CSGALNACT1: variants seen among roughly 807,000 people sequenced by gnomAD.
CSGALNACT1 encodes chondroitin sulfate N-acetylgalactosaminyltransferase 1, also known as beta4GalNAcT-1.
In CSGALNACT1, 52 loss-of-function variants were observed where a neutral mutation model predicts 51.0. The ratio of observed to expected loss-of-function variants is 1.02; its 90% confidence interval spans 0.82 to 1.29. The LOEUF is 1.29. CSGALNACT1 is among the 50% of genes most tolerant of loss of function. The pLI, the probability that CSGALNACT1 is intolerant of heterozygous loss-of-function variation, is 0.00. For synonymous variants in CSGALNACT1, 341 were observed against 254.4 expected (o/e 1.34, Z -3.24); for missense variants, 935 against 679.2 (o/e 1.38, Z -4.19).
intron 5 of CSGALNACT1, chr8:19,457,780 G>A (rs763353571): frequency 7.4e-7 from 1 of 1,351,394 alleles, no homozygotes; most frequent in Admixed American, 1.9e-5. Flanking sequence ...ACAATCAAGG[G>A]CTTAAAGGCA....
At chr8:19,687,722 T>C (rs1384590654) in intron 1 of CSGALNACT1, among the ~76,000 whole-genome samples, 1 of 152,222 alleles carries the variant, frequency 6.6e-6, no homozygotes, top group East Asian at 1.9e-4. Context: ...CTTTGATCTT[T>C]ACTCCTTATA....
At chr8:19,661,244 C>T (rs2058721564) in intron 1 of CSGALNACT1, among the ~76,000 whole-genome samples, 1 of 152,116 alleles carries the variant, frequency 6.6e-6, no homozygotes, top group Non-Finnish European at 1.5e-5. Flanking sequence ...CCAGGAGCCA[C>T]AAGGCCTCTC....
At chr8:19,443,097 T>C (rs1489716261) in intron 5 of CSGALNACT1, among the ~76,000 whole-genome samples, 2 of 152,184 alleles carry the variant, frequency 1.3e-5, no homozygotes, top group African/African-American at 2.4e-5. Flanking sequence ...GCCAGACCTC[T>C]AGCTCTGGCC....
At chr8:19,430,483 T>A (rs759319867) in intron 6 of CSGALNACT1, among the ~76,000 whole-genome samples, 1 of 152,218 alleles carries the variant, frequency 6.6e-6, no homozygotes, top group Non-Finnish European at 1.5e-5. Context: ...TTCCCCCATA[T>A]GATGATCTGG....
chr8:19,458,316 G>A (rs2064569576), intron 5 of CSGALNACT1, 110 bp downstream of exon 4: 10 of 951,638 alleles, frequency 1.1e-5, no homozygotes, highest in Non-Finnish European at 1.6e-5. Context: ...CTGAATAAGA[G>A]AAAGGAGGCT....
intron 3 of CSGALNACT1, among the ~76,000 whole-genome samples, chr8:19,538,715 T>C (rs1216312624): frequency 2.0e-5 from 3 of 152,114 alleles, no homozygotes; most frequent in South Asian, 2.1e-4. Context: ...AAGCTGGAGA[T>C]GGCTGGAAGA....
At chr8:19,413,660 G>T (rs1585427758) in intron 8 of CSGALNACT1, among the ~76,000 whole-genome samples, 2 of 152,204 alleles carry the variant, frequency 1.3e-5, no homozygotes, top group Admixed American at 6.5e-5. Flanking sequence ...GAGGTCAAGG[G>T]TGTGACCAGA....
At chr8:19,412,839 G>A (rs938099944) in intron 8 of CSGALNACT1, among the ~76,000 whole-genome samples, 7 of 151,952 alleles carry the variant, frequency 4.6e-5, no homozygotes, top group African/African-American at 1.7e-4. Flanking sequence ...CCCAGCCCAG[G>A]CTGTCCATTC....
intron 4 of CSGALNACT1, among the ~76,000 whole-genome samples, chr8:19,490,902 T>G (rs755997165): frequency 2.6e-4 from 40 of 152,326 alleles, no homozygotes; most frequent in Non-Finnish European, 4.6e-4. Flanking sequence ...AACTACCACC[T>G]CGAAACCTGG....
intron 3 of CSGALNACT1, among the ~76,000 whole-genome samples, chr8:19,584,819 C>T (rs1207684683): frequency 6.6e-6 from 1 of 152,098 alleles, no homozygotes; most frequent in African/African-American, 2.4e-5. Context: ...GATTTTTCTC[C>T]TAACAGAATT....
chr8:19,561,746 G>A (rs1015245065), intron 3 of CSGALNACT1, among the ~76,000 whole-genome samples: 1 of 152,192 alleles, frequency 6.6e-6, no homozygotes, highest in African/African-American at 2.4e-5. Flanking sequence ...AGCACAAAGG[G>A]AATATGCTGT....
chr8:19,560,226 C>T (rs1260769663), intron 3 of CSGALNACT1, among the ~76,000 whole-genome samples: 2 of 152,138 alleles, frequency 1.3e-5, no homozygotes, highest in Non-Finnish European at 2.9e-5. Flanking sequence ...TTACCTCACA[C>T]CACACATAAT....
intron 5 of CSGALNACT1, among the ~76,000 whole-genome samples, chr8:19,455,336 C>G (rs1563487550): frequency 6.6e-6 from 1 of 152,146 alleles, no homozygotes; most frequent in Non-Finnish European, 1.5e-5. Context: ...CAAATCGCTT[C>G]CAGTGTCATC....
intron 3 of CSGALNACT1, among the ~76,000 whole-genome samples, chr8:19,570,575 C>G (rs140244493): frequency 3.7e-4 from 56 of 152,216 alleles, no homozygotes; most frequent in African/African-American, 1.3e-3. Context: ...GCATTCAGGA[C>G]AGTGGCACAC....
intron 1 of CSGALNACT1, among the ~76,000 whole-genome samples, chr8:19,663,915 G>A (rs973108071): frequency 1.3e-5 from 2 of 152,162 alleles, no homozygotes; most frequent in African/African-American, 2.4e-5. Context: ...CCAGACCCTG[G>A]CAGTTTTAAA....
intron 1 of CSGALNACT1, among the ~76,000 whole-genome samples, chr8:19,632,584 C>T (rs2055425522): frequency 6.6e-6 from 1 of 152,224 alleles, no homozygotes; most frequent in Non-Finnish European, 1.5e-5. Flanking sequence ...TAACCCGCAG[C>T]TATCTACAGC....
At chr8:19,669,738 G>C (rs978270433) in intron 1 of CSGALNACT1, among the ~76,000 whole-genome samples, 11 of 152,210 alleles carry the variant, frequency 7.2e-5, no homozygotes, top group African/African-American at 2.4e-4. Flanking sequence ...GCCTGCCAAA[G>C]TGCTGGGATT....
chr8:19,434,770 G>A (rs1234693434), intron 6 of CSGALNACT1, among the ~76,000 whole-genome samples: 8 of 151,986 alleles, frequency 5.3e-5, no homozygotes, highest in Non-Finnish European at 1.0e-4. Flanking sequence ...TTATCTGCTT[G>A]GGAGGGATCT....
chr8:19,458,729 C>T (rs528076741), intron 4 of CSGALNACT1, 87 bp from the exon 4 acceptor site: 1 of 1,222,778 alleles, frequency 8.2e-7, no homozygotes, highest in East Asian at 2.3e-5. Flanking sequence ...CACAGAATGC[C>T]TTTAAAAAGT....
Sources: gnomAD v4.1 joint callset for allele counts (sites outside exome capture counted in the v4.1 genomes callset) on GRCh38, gnomAD v4.1.1 for gene constraint, MANE v1.5 for transcripts, NCBI Gene and HGNC (gene_info 2026-07-23, HGNC 2026-07-21) for gene names.